The following LRMDA variants were observed in gnomAD, a reference collection of about 807,000 sequenced individuals.
LRMDA encodes the protein leucine-rich melanocyte differentiation-associated protein.
LRMDA carries 18 observed loss-of-function variants against 29.8 expected under a neutral mutation model. That is an observed-to-expected ratio of 0.60 (90% confidence interval 0.42 to 0.90). The LOEUF is 0.90. Ranked by LOEUF, LRMDA falls within the 40% of genes least tolerant of loss-of-function variation. The pLI is 0.00. For missense variants in LRMDA, 273 were observed against 273.9 expected (o/e 1.00, Z 0.02); for synonymous variants, 125 against 109.4 (o/e 1.14, Z -0.89).
At position 76,051,133 on chromosome 10, in the gene LRMDA, G is replaced by A. The variant is rs145162887; in HGVS notation, c.398+3830G>A. On this transcript the variant is annotated intron_variant, in intron 4 of 6. Transcript: ENST00000611255. ...AAAGGGAAGGAGGGAGGGACCCTCC[G>A]CCGTCTGGTCGCTCTGGGCTGCCAC... Among the ~76,000 whole-genome samples the A allele has an allele frequency of 6.1e-4, 93 of 152,338 alleles. No homozygotes were observed. In the East Asian group the frequency reaches 0.017, roughly 28 times the overall value.
At chr10:75,463,712 G>T (rs1235254129) in intron 2 of LRMDA, among the ~76,000 whole-genome samples, 2 of 152,060 alleles carry the variant, frequency 1.3e-5, no homozygotes, top group Non-Finnish European at 2.9e-5. Context: ...CTGTTGCCCA[G>T]GCTGGAGTGC....
chr10:76,515,242 C>A (rs1436476457), intron 6 of LRMDA, among the ~76,000 whole-genome samples: 2 of 152,082 alleles, frequency 1.3e-5, no homozygotes, highest in African/African-American at 2.4e-5. Flanking sequence ...GTTCTTGTAA[C>A]TCCATAGTTC....
chr10:75,613,788 G>A (rs925994845), intron 2 of LRMDA, among the ~76,000 whole-genome samples: 2 of 152,182 alleles, frequency 1.3e-5, no homozygotes, highest in African/African-American at 4.8e-5. Flanking sequence ...TACAGAGTAC[G>A]TGAGAAGGGA....
intron 2 of LRMDA, among the ~76,000 whole-genome samples, chr10:75,765,929 G>A (rs190397120): frequency 6.6e-6 from 1 of 152,246 alleles, no homozygotes; most frequent in Non-Finnish European, 1.5e-5. Context: ...TGGGAAGCAT[G>A]GAGTATGCAA....
At chr10:75,470,905 A>T (rs895342292) in intron 2 of LRMDA, among the ~76,000 whole-genome samples, 3 of 152,174 alleles carry the variant, frequency 2.0e-5, no homozygotes, top group African/African-American at 7.2e-5. Flanking sequence ...TTCATTCCAG[A>T]TTGGGAAGTC....
intron 2 of LRMDA, among the ~76,000 whole-genome samples, chr10:75,959,871 T>C (rs565069831): frequency 1.4e-4 from 22 of 152,338 alleles, no homozygotes; most frequent in African/African-American, 5.1e-4. Flanking sequence ...TAAAAACATT[T>C]GGTGCTTCTG....
At chr10:75,542,660 G>T (rs755107702) in intron 2 of LRMDA, among the ~76,000 whole-genome samples, 6 of 152,174 alleles carry the variant, frequency 3.9e-5, no homozygotes, top group Non-Finnish European at 8.8e-5. Context: ...AATAGTACAA[G>T]ATTTTTGTTT....
At chr10:76,415,602 A>ATG (rs758836213) in intron 6 of LRMDA, among the ~76,000 whole-genome samples, 1,801 of 130,668 alleles carry the variant, frequency 0.014, 19 homozygotes, top group Middle Eastern at 0.02. Flanking sequence ...TGGGGCGTGT[A>ATG]TGTGTGTGTG....
intron 2 of LRMDA, among the ~76,000 whole-genome samples, chr10:75,768,544 A>C (rs374308766): frequency 1.2e-4 from 19 of 152,164 alleles, no homozygotes; most frequent in African/African-American, 3.6e-4. Context: ...GTTATGTTTC[A>C]TTTCAGCTCA....
chr10:75,468,001 A>ACACACACAC (rs1844676904), intron 2 of LRMDA, among the ~76,000 whole-genome samples: 1 of 94,500 alleles, frequency 1.1e-5, no homozygotes, highest in South Asian at 3.5e-4. Context: ...CACACACACA[A>ACACACACAC]AGTCGCAAAG....
intron 5 of LRMDA, among the ~76,000 whole-genome samples, chr10:76,106,895 C>T (rs1339343410): frequency 6.6e-6 from 1 of 152,192 alleles, no homozygotes. Flanking sequence ...CTGATCATGT[C>T]CATTCTTTTG....
chr10:76,219,588 T>G (rs941238516), intron 5 of LRMDA, among the ~76,000 whole-genome samples: 5 of 152,130 alleles, frequency 3.3e-5, no homozygotes, highest in Non-Finnish European at 7.3e-5. Context: ...TATATGCACC[T>G]AATACAGGAG....
Position 75,694,818 on chromosome 10 carries a change from G to T in LRMDA, c.131+256324G>T, listed in dbSNP as rs535295417. On this transcript the variant is annotated intron_variant, in intron 2 of 6. Coordinates refer to ENST00000611255, the MANE Select transcript of LRMDA (RefSeq NM_001305581.2). ...GTCTATAGCTCCTAATTATGTCGAGGAATTGGTGTGCCAATCGATAGTGAT... is the reference window on the plus strand; with the variant it reads ...GTCTATAGCTCCTAATTATGTCGAGTAATTGGTGTGCCAATCGATAGTGAT... 6.0e-4 allele frequency among the ~76,000 whole-genome samples: 92 copies of T among 152,266 alleles called. 1 individual carries two copies. The Middle Eastern group carries it at 0.01, about 17-fold the overall frequency.
intron 5 of LRMDA, among the ~76,000 whole-genome samples, chr10:76,174,414 A>G (rs1036857755): frequency 6.6e-6 from 1 of 152,236 alleles, no homozygotes; most frequent in Admixed American, 6.5e-5. Flanking sequence ...AGATTCAATA[A>G]TATGTAGAAA....
chr10:75,881,835 C>A (rs116944765), intron 2 of LRMDA, among the ~76,000 whole-genome samples: 1 of 152,218 alleles, frequency 6.6e-6, no homozygotes, highest in Non-Finnish European at 1.5e-5. Flanking sequence ...CTTTCCTTAC[C>A]TTGCTGCGCA....
intron 5 of LRMDA, among the ~76,000 whole-genome samples, chr10:76,268,316 A>G (rs1840029326): frequency 6.6e-6 from 1 of 152,180 alleles, no homozygotes; most frequent in African/African-American, 2.4e-5. Context: ...GTTGAAGTAG[A>G]TCATCTCCTC....
At chr10:76,391,950 C>A (rs1417905099) in intron 6 of LRMDA, among the ~76,000 whole-genome samples, 1 of 152,114 alleles carries the variant, frequency 6.6e-6, no homozygotes, top group Admixed American at 6.6e-5. Context: ...GATCTGTTAA[C>A]ATAAATGATA....
chr10:75,556,614 A>AT (rs1293389825), intron 2 of LRMDA, among the ~76,000 whole-genome samples: 1 of 152,140 alleles, frequency 6.6e-6, no homozygotes, highest in East Asian at 1.9e-4. Flanking sequence ...TTTCCCTTTG[A>AT]TTTTTAAAAA....
intron 2 of LRMDA, among the ~76,000 whole-genome samples, chr10:75,586,851 G>C (rs1307872369): frequency 6.6e-6 from 1 of 151,244 alleles, no homozygotes; most frequent in Admixed American, 6.6e-5. Flanking sequence ...AGTTGTAGGA[G>C]TTGCTTATAT....
Sources: allele counts gnomAD v4.1 joint callset (sites outside exome capture counted in the v4.1 genomes callset), GRCh38; gene constraint gnomAD v4.1.1; transcripts MANE v1.5; gene names NCBI Gene and HGNC (gene_info 2026-07-23, HGNC 2026-07-21).